Variants in KIF3A observed in about 807,000 individuals in gnomAD.
KIF3A encodes the protein kinesin-like protein KIF3A.
Under a neutral mutation model 92.6 loss-of-function variants are expected in KIF3A, and 27 were observed. That is an observed-to-expected ratio of 0.29 (90% CI 0.21 to 0.40). KIF3A has a LOEUF of 0.40. Ranked by LOEUF, KIF3A falls within the 10% of genes least tolerant of loss-of-function variation. The pLI is 1.00. For missense variants in KIF3A, 581 were observed against 872.6 expected (o/e 0.67, Z 4.21); for synonymous variants, 250 against 275.4 (o/e 0.91, Z 0.92).
In KIF3A at chr5:132,734,346, T is replaced by A. The variant is rs781172442; in HGVS notation, c.139A>T (p.Thr47Ser). ...TTGGAAGAATCAGTCTTATGTACAG[T>A]GATAGTTCCCCTCATCTCATCCACA... is the stretch of plus-strand genomic sequence containing the variant. Reference protein sequence around the residue: ...VSVDEMRGTITVHKTDSSNEP... With the variant: ...VSVDEMRGTISVHKTDSSNEP... Residue 47 changes from threonine to serine, a missense_variant, in exon 2 of 19, where the codon ACT becomes TCT. By Grantham distance (58) the Thr-to-Ser change is moderately conservative. Around this residue, in one of 5 missense-constraint regions of KIF3A, gnomAD observed 217 missense variants for 299.7 expected, o/e 0.72. Transcript: ENST00000403231. 6.2e-7 allele frequency: 1 copy of A among 1,614,168 alleles called. No homozygotes were observed. The highest frequency in any genetic ancestry group is 8.5e-7 in the Non-Finnish European group (1 of 1,180,030).
intron 4 of KIF3A, among the ~76,000 whole-genome samples, chr5:132,724,806 AATATATAT>A (rs1167332306): frequency 3.1e-3 from 69 of 22,588 alleles, no homozygotes; most frequent in South Asian, 9.2e-3. Flanking sequence ...AAAAAAAAAA[AATATATAT>A]ATATATATAT....
intron 18 of KIF3A, 28 bp from the exon 19 acceptor site, chr5:132,696,710 T>C (rs762326709): frequency 4.5e-6 from 7 of 1,564,186 alleles, no homozygotes; most frequent in Non-Finnish European, 5.3e-6. Flanking sequence ...AAAGCAATCA[T>C]GAATGCTTTC....
chr5:132,715,245 A>G (rs1753578772), intron 8 of KIF3A, among the ~76,000 whole-genome samples: 1 of 152,232 alleles, frequency 6.6e-6, no homozygotes, highest in African/African-American at 2.4e-5. Flanking sequence ...CTAGCATGAT[A>G]TTGTTAGAAA....
chr5:132,729,256 C>T lies in KIF3A; in HGVS notation c.281-2758G>A, dbSNP rs200538883. On this transcript the variant is annotated intron_variant, in intron 2 of 18. Coordinates refer to ENST00000403231, the MANE Select transcript of KIF3A (RefSeq NM_001300791.2). ...ACTTATTCATGTAACTAAACACCACCTGTTCCCCAAAAACTTATTGAAATT... is the reference window on the plus strand; with the variant it reads ...ACTTATTCATGTAACTAAACACCACTTGTTCCCCAAAAACTTATTGAAATT... Among the ~76,000 whole-genome samples, 3 of 151,986 alleles carry T rather than the reference C, an allele frequency of 2.0e-5. No individual in the cohort carries two copies. The East Asian group carries it at 5.8e-4, about 29-fold the overall frequency.
At chr5:132,716,108 T>C (rs1753612361) in intron 7 of KIF3A, 137 bp downstream of exon 7, 3 of 851,572 alleles carry the variant, frequency 3.5e-6, no homozygotes, top group African/African-American at 1.7e-5. Flanking sequence ...AATACACGAG[T>C]GTACCACAAA....
chr5:132,712,504 A>C (rs1468067441), intron 8 of KIF3A, among the ~76,000 whole-genome samples: 1 of 152,242 alleles, frequency 6.6e-6, no homozygotes, highest in Non-Finnish European at 1.5e-5. Context: ...ATAGAATCCT[A>C]AACACTAAAC....
At chr5:132,700,469 C>A (rs1752995241) in intron 16 of KIF3A, 178 bp downstream of exon 16, 2 of 650,780 alleles carry the variant, frequency 3.1e-6, no homozygotes, top group African/African-American at 1.8e-5. Flanking sequence ...TCCACCCAGA[C>A]CATGATCTGT....
chr5:132,689,193 AG>A (rs1752607699), downstream of KIF3A, among the ~76,000 whole-genome samples: 1 of 152,244 alleles, frequency 6.6e-6, no homozygotes, highest in Admixed American at 6.5e-5. Flanking sequence ...AAACAGCTTA[AG>A]ACAGAGAAAT....
intron 8 of KIF3A, among the ~76,000 whole-genome samples, chr5:132,714,981 T>C (rs1561700967): frequency 1.3e-5 from 2 of 152,218 alleles, no homozygotes; most frequent in African/African-American, 4.8e-5. Context: ...AATAACTACT[T>C]GTTTACTAAA....
At chr5:132,720,187 A>G (rs1489190619) in intron 5 of KIF3A, among the ~76,000 whole-genome samples, 1 of 152,238 alleles carries the variant, frequency 6.6e-6, no homozygotes, top group Non-Finnish European at 1.5e-5. Context: ...TAGTTATAGT[A>G]CTTAGACAAG....
At chr5:132,715,346 G>C (rs1270238274) in intron 8 of KIF3A, among the ~76,000 whole-genome samples, 1 of 152,130 alleles carries the variant, frequency 6.6e-6, no homozygotes, top group Non-Finnish European at 1.5e-5. Context: ...TAGCAAACTT[G>C]GTTTACTCAT....
chr5:132,723,845 C>G (rs1361291505), intron 4 of KIF3A: 4 of 152,092 alleles, frequency 2.6e-5, no homozygotes, highest in Non-Finnish European at 5.9e-5. Context: ...AAGAAACTAC[C>G]ATCAGAGTGA....
intron 2 of KIF3A, among the ~76,000 whole-genome samples, chr5:132,733,504 G>C (rs1304876154): frequency 6.6e-6 from 1 of 152,232 alleles, no homozygotes; most frequent in Non-Finnish European, 1.5e-5. Flanking sequence ...CATGGTAGCT[G>C]ACATGGGAAA....
rs1752761618 is a variant in KIF3A at position 132,694,253 on chromosome 5, AAATT to A, written c.*2377_*2380del. ...ACCCCATCTCTACAAAAAAATACAA[AAATT>A]AGCCGAGCATGATGGCATACAGCTG... On this transcript the variant is annotated 3_prime_UTR_variant, in exon 19 of 19. Coordinates refer to ENST00000403231, the MANE Select transcript of KIF3A (RefSeq NM_001300791.2). 1 of 152,086 alleles carries A rather than the reference AAATT, an allele frequency of 6.6e-6. No homozygotes were observed. The highest frequency in any genetic ancestry group is 1.5e-5 in the Non-Finnish European group (1 of 68,128). 9.4% of individuals were successfully genotyped at this position (152,086 alleles called of 1,614,324 possible).
chr5:132,711,120 T>C, intron 8 of KIF3A, 63 bp from the exon 9 acceptor site: 1 of 1,444,346 alleles, frequency 6.9e-7, no homozygotes, highest in Non-Finnish European at 9.7e-7. Context: ...ATTTAGGAAA[T>C]ACCTATATCA....
chr5:132,731,177 A>G (rs1281556114), intron 2 of KIF3A, among the ~76,000 whole-genome samples: 1 of 152,232 alleles, frequency 6.6e-6, no homozygotes, highest in East Asian at 1.9e-4. Flanking sequence ...AACCCATTCT[A>G]TGAAACTAGC....
Position 132,720,598 on chromosome 5 carries a change from A to C in KIF3A, c.616+11T>G, listed in dbSNP as rs374421894. ...CACAGATGCTTAATCACAATTACACACTATACTTACGATTTTTGTGGCCTA... is the reference window on the plus strand; with the variant it reads ...CACAGATGCTTAATCACAATTACACCCTATACTTACGATTTTTGTGGCCTA... On this transcript the variant is annotated intron_variant, in intron 5 of 18. Coordinates refer to ENST00000403231, the MANE Select transcript of KIF3A (RefSeq NM_001300791.2). 1 of 1,554,376 alleles carries C rather than the reference A, an allele frequency of 6.4e-7. No homozygotes were observed. Among genetic ancestry groups the C allele is most frequent in the South Asian group, 1.1e-5 (1 of 87,844 alleles).
chr5:132,724,956 A>AT (rs1346597284), intron 4 of KIF3A, among the ~76,000 whole-genome samples: 1 of 148,778 alleles, frequency 6.7e-6, no homozygotes, highest in Non-Finnish European at 1.5e-5. Flanking sequence ...GCAATGGAAC[A>AT]TAAGAAATCC....
intron 10 of KIF3A, 90 bp downstream of exon 10, chr5:132,708,817 G>T: frequency 1.3e-6 from 1 of 783,970 alleles, no homozygotes; most frequent in South Asian, 1.7e-5. Context: ...TTTAGGTAAT[G>T]ACAGGGAGTG....
Sources: allele counts gnomAD v4.1 joint callset (sites outside exome capture counted in the v4.1 genomes callset), GRCh38; gene constraint gnomAD v4.1.1; regional missense constraint gnomAD v4.1.1; transcripts MANE v1.5; gene names NCBI Gene and HGNC (gene_info 2026-07-23, HGNC 2026-07-21).